Variants in CTNNA2 observed in about 807,000 individuals in gnomAD.
CTNNA2 encodes catenin alpha-2.
In CTNNA2, 42 loss-of-function variants were observed where a neutral mutation model predicts 101.0. The ratio of observed to expected loss-of-function variants is 0.42; its 90% CI spans 0.32 to 0.54. CTNNA2 has a LOEUF of 0.54. Ranked by LOEUF, CTNNA2 falls within the 20% of genes least tolerant of loss-of-function variation. The pLI, the probability that CTNNA2 is intolerant of heterozygous loss-of-function variation, is 0.14. For missense variants in CTNNA2, 871 were observed against 1,223.1 expected, an observed-to-expected ratio of 0.71 and a Z score of 4.29; for synonymous variants, 450 against 456.4, an observed-to-expected ratio of 0.99 and a Z score of 0.18.
chr2:80,643,468 T>C (rs908921887), intron 18 of CTNNA2, among the ~76,000 whole-genome samples: 3 of 152,082 alleles, frequency 2.0e-5, no homozygotes, highest in African/African-American at 7.2e-5. Context: ...TGTATGCCCT[T>C]GTTTTTAAAC....
intron 15 of CTNNA2, among the ~76,000 whole-genome samples, chr2:80,597,759 C>G (rs1697114609): frequency 6.6e-6 from 1 of 152,090 alleles, no homozygotes; most frequent in African/African-American, 2.4e-5. Flanking sequence ...CAATTCAAAA[C>G]CACAATGAGA....
intron 9 of CTNNA2, among the ~76,000 whole-genome samples, chr2:80,472,974 C>T (rs1685427936): frequency 6.6e-6 from 1 of 152,198 alleles, no homozygotes. Context: ...TAGGTACCTA[C>T]TGTGCCCACT....
At chr2:79,795,949 T>G (rs1283737845) in intron 3 of CTNNA2, among the ~76,000 whole-genome samples, 1 of 152,212 alleles carries the variant, frequency 6.6e-6, no homozygotes, top group African/African-American at 2.4e-5. Flanking sequence ...CGTTTTGTTA[T>G]GAGGACATTG....
At chr2:79,740,169 C>T (rs967001689) in intron 2 of CTNNA2, among the ~76,000 whole-genome samples, 3 of 152,130 alleles carry the variant, frequency 2.0e-5, no homozygotes, top group African/African-American at 7.2e-5. Flanking sequence ...TCCTCCCAAC[C>T]TCTACCCTCT....
At chr2:79,356,277 C>T (rs1354650086) in intron 3 of CTNNA2, among the ~76,000 whole-genome samples, 2 of 151,584 alleles carry the variant, frequency 1.3e-5, no homozygotes, top group South Asian at 2.1e-4. Context: ...TATTTAAGTC[C>T]TCTACTCATT....
At chr2:79,828,257 T>C (rs1306943838) in intron 3 of CTNNA2, among the ~76,000 whole-genome samples, 1 of 152,196 alleles carries the variant, frequency 6.6e-6, no homozygotes, top group Admixed American at 6.5e-5. Context: ...AGGCAACACT[T>C]TCAACAGATT....
Position 80,599,323 on chromosome 2 carries a change from C to T in CTNNA2, c.2190-4751C>T, listed in dbSNP as rs552639038. On this transcript the variant is annotated intron_variant, in intron 15 of 18. Transcript: ENST00000402739. Reference sequence around the variant, plus strand: ...TTCTGTTAAAATTGCTATAGGCACTCGGATGTCTGAAGGAGCTTTAGAATC... The same window carrying T: ...TTCTGTTAAAATTGCTATAGGCACTTGGATGTCTGAAGGAGCTTTAGAATC... 6.6e-5 allele frequency among the ~76,000 whole-genome samples: 10 copies of T among 152,236 alleles called. No individual in the cohort carries two copies. In the East Asian group the frequency reaches 1.7e-3, roughly 27 times the overall value.
At chr2:79,845,253 T>C (rs1327034747) in intron 3 of CTNNA2, among the ~76,000 whole-genome samples, 3 of 151,094 alleles carry the variant, frequency 2.0e-5, no homozygotes, top group African/African-American at 7.3e-5. Context: ...GTGATTCTTG[T>C]TAGTGGGTCT....
At chr2:79,730,853 A>C (rs1373367990) in intron 2 of CTNNA2, among the ~76,000 whole-genome samples, 1 of 152,024 alleles carries the variant, frequency 6.6e-6, no homozygotes, top group African/African-American at 2.4e-5. Context: ...GAGACCAAAA[A>C]ATAAATAAAT....
At position 79,407,662 on chromosome 2, in the gene CTNNA2, G is replaced by T. The variant is rs191566269; in HGVS notation, c.-135+33649G>T. On this transcript the variant is annotated intron_variant, in intron 4 of 21. Transcript: ENST00000466387. Reference sequence around the variant, plus strand: ...CCTTCCTCAACTTATGCCATTGTCAGATAGGAGGATTCTGGATCTAAGGAT... The same window carrying T: ...CCTTCCTCAACTTATGCCATTGTCATATAGGAGGATTCTGGATCTAAGGAT... Among the ~76,000 whole-genome samples, 211 of 152,076 alleles carry T rather than the reference G, an allele frequency of 1.4e-3. 4 individuals carry two copies. In the East Asian group the frequency reaches 0.027, roughly 19 times the overall value.
intron 1 of CTNNA2, among the ~76,000 whole-genome samples, chr2:79,590,098 C>T (rs1676750739): frequency 2.0e-5 from 3 of 152,110 alleles, no homozygotes; most frequent in African/African-American, 7.2e-5. Flanking sequence ...TAAGTTTAAC[C>T]TCAAGGGAAT....
At chr2:79,766,099 G>T (rs953223534) in intron 3 of CTNNA2, among the ~76,000 whole-genome samples, 3 of 152,104 alleles carry the variant, frequency 2.0e-5, no homozygotes, top group African/African-American at 7.2e-5. Flanking sequence ...GTGTTTCTTT[G>T]TGTACTTATT....
At chr2:79,709,942 G>A (rs1685638017) in intron 2 of CTNNA2, among the ~76,000 whole-genome samples, 1 of 152,092 alleles carries the variant, frequency 6.6e-6, no homozygotes, top group South Asian at 2.1e-4. Context: ...AGAGGAGAAA[G>A]TGGAATGAGC....
chr2:79,490,429 A>G (rs950481896), intron 4 of CTNNA2, among the ~76,000 whole-genome samples: 4 of 152,254 alleles, frequency 2.6e-5, no homozygotes, highest in Admixed American at 2.6e-4. Flanking sequence ...ACTCAACATG[A>G]GTCAGTACTG....
At chr2:80,540,068 T>G (rs776796944) in intron 9 of CTNNA2, among the ~76,000 whole-genome samples, 12 of 152,124 alleles carry the variant, frequency 7.9e-5, no homozygotes, top group Non-Finnish European at 1.3e-4. Flanking sequence ...ATCTTTGGGG[T>G]TGCAATGTAT....
chr2:79,308,950 C>T (rs551434178), intron 2 of CTNNA2, among the ~76,000 whole-genome samples: 2 of 152,042 alleles, frequency 1.3e-5, no homozygotes, highest in South Asian at 2.1e-4. Flanking sequence ...TTAGTTTTCT[C>T]CATATTGAAA....
At chr2:80,381,098 T>G (rs1290705507) in intron 7 of CTNNA2, among the ~76,000 whole-genome samples, 2 of 152,010 alleles carry the variant, frequency 1.3e-5, no homozygotes, top group Non-Finnish European at 2.9e-5. Context: ...AGGTCCCTGA[T>G]TCACCTAAGC....
intron 6 of CTNNA2, among the ~76,000 whole-genome samples, chr2:79,896,980 C>T (rs998868760): frequency 7.9e-5 from 12 of 152,094 alleles, no homozygotes; most frequent in African/African-American, 1.9e-4. Flanking sequence ...CAGAGACTTG[C>T]GCCGGATTGC....
At chr2:80,107,466 G>A (rs1383710636) in intron 7 of CTNNA2, among the ~76,000 whole-genome samples, 1 of 152,104 alleles carries the variant, frequency 6.6e-6, no homozygotes, top group Non-Finnish European at 1.5e-5. Context: ...AGACAGAGAT[G>A]GCCGGACATC....
Sources: allele counts gnomAD v4.1 joint callset (sites outside exome capture counted in the v4.1 genomes callset), GRCh38; gene constraint gnomAD v4.1.1; transcripts MANE v1.5; gene names NCBI Gene and HGNC (gene_info 2026-07-23, HGNC 2026-07-21).